MRPL1: variants seen among roughly 807,000 people sequenced by gnomAD.
MRPL1 encodes mitochondrial ribosomal protein L1, also known as large ribosomal subunit protein uL1m.
MRPL1 carries 28 observed loss-of-function variants against 38.0 expected under a neutral mutation model. The observed-to-expected ratio is 0.74, with a 90% CI of 0.55 to 1.01. The LOEUF (loss-of-function observed/expected upper bound fraction) is 1.01, where lower values mean the gene tolerates loss of function less well. Ranked by LOEUF, MRPL1 falls within the 50% of genes least tolerant of loss-of-function variation. The pLI, the probability that MRPL1 is intolerant of heterozygous loss-of-function variation, is 0.00. For synonymous variants in MRPL1, 123 were observed against 126.7 expected (o/e 0.97, Z 0.20); for missense variants, 358 against 389.8 (o/e 0.92, Z 0.69).
intron 7 of MRPL1, among the ~76,000 whole-genome samples, chr4:77,912,833 C>T (rs907096025): frequency 1.3e-5 from 2 of 151,972 alleles, no homozygotes; most frequent in African/African-American, 2.4e-5. Context: ...GTGGTATTGA[C>T]ATCAAAAGAA....
At chr4:77,896,732 C>T (rs1001395641) in intron 6 of MRPL1, among the ~76,000 whole-genome samples, 7 of 152,126 alleles carry the variant, frequency 4.6e-5, no homozygotes, top group Non-Finnish European at 1.0e-4. Flanking sequence ...TGGGAGTGGG[C>T]GTGTGTACAT....
intron 7 of MRPL1, among the ~76,000 whole-genome samples, chr4:77,917,014 T>C (rs1302516847): frequency 2.6e-5 from 4 of 152,220 alleles, no homozygotes; most frequent in Admixed American, 6.5e-5. Flanking sequence ...AAAGTTGATA[T>C]AGGTGTGAGT....
intron 5 of MRPL1, among the ~76,000 whole-genome samples, chr4:77,887,978 C>T (rs1278717646): frequency 2.6e-5 from 4 of 152,028 alleles, no homozygotes; most frequent in Non-Finnish European, 4.4e-5. Context: ...TCCACAAGGT[C>T]GCATGGATTT....
chr4:77,864,659 G>A (rs1185509450), intron 1 of MRPL1: 3 of 151,952 alleles, frequency 2.0e-5, no homozygotes, highest in Admixed American at 6.6e-5. Context: ...TGTAGGAGTC[G>A]ACACATGCCT....
intron 2 of MRPL1, among the ~76,000 whole-genome samples, chr4:77,876,145 G>A (rs192840981): frequency 2.6e-5 from 4 of 152,058 alleles, no homozygotes; most frequent in Non-Finnish European, 5.9e-5. Flanking sequence ...GCTAATTTTT[G>A]TAGTTTTGGC....
intron 2 of MRPL1, among the ~76,000 whole-genome samples, chr4:77,882,096 A>G (rs1735553966): frequency 6.6e-6 from 1 of 152,180 alleles, no homozygotes; most frequent in African/African-American, 2.4e-5. Context: ...CTATATTTGC[A>G]CTACAGTGGC....
intron 7 of MRPL1, among the ~76,000 whole-genome samples, chr4:77,945,622 T>A (rs1376714271): frequency 6.6e-6 from 1 of 152,090 alleles, no homozygotes; most frequent in African/African-American, 2.4e-5. Flanking sequence ...CTATTTTCCA[T>A]AAGTGTCGGC....
At chr4:77,912,951 A>T (rs1020138718) in intron 7 of MRPL1, among the ~76,000 whole-genome samples, 2 of 152,180 alleles carry the variant, frequency 1.3e-5, no homozygotes, top group Admixed American at 1.3e-4. Context: ...GAGAAAGGAT[A>T]GTTCTTTCAA....
chr4:77,937,409 C>A (rs1006062219), intron 7 of MRPL1, among the ~76,000 whole-genome samples: 7 of 152,208 alleles, frequency 4.6e-5, no homozygotes, highest in Non-Finnish European at 4.4e-5. Flanking sequence ...ATACTCAGTT[C>A]TAAGTACCTG....
intron 7 of MRPL1, among the ~76,000 whole-genome samples, chr4:77,944,577 A>G (rs1737210684): frequency 6.6e-6 from 1 of 152,148 alleles, no homozygotes; most frequent in Admixed American, 6.5e-5. Context: ...CGAGGTTTGT[A>G]TCTTATTCGT....
At chr4:77,883,665 C>T (rs533500959) in intron 3 of MRPL1, among the ~76,000 whole-genome samples, 165 bp downstream of exon 3, 83 of 152,200 alleles carry the variant, frequency 5.5e-4, no homozygotes, top group African/African-American at 1.9e-3. Flanking sequence ...GCAGACTCCA[C>T]CTCCCGGGCT....
intron 7 of MRPL1, among the ~76,000 whole-genome samples, chr4:77,928,267 G>A (rs964995814): frequency 6.6e-6 from 1 of 152,166 alleles, no homozygotes; most frequent in African/African-American, 2.4e-5. Flanking sequence ...CAGGAAAAGT[G>A]AATGTTCTGG....
intron 7 of MRPL1, among the ~76,000 whole-genome samples, chr4:77,933,103 C>T (rs756348834): frequency 2.6e-5 from 4 of 152,092 alleles, no homozygotes; most frequent in African/African-American, 7.2e-5. Flanking sequence ...GCGCTCCACA[C>T]GTGGCTAATT....
intron 7 of MRPL1, among the ~76,000 whole-genome samples, chr4:77,913,209 GAC>G (rs1451728338): frequency 6.6e-6 from 1 of 151,906 alleles, no homozygotes; most frequent in African/African-American, 2.4e-5. Context: ...CTCTTTAAAA[GAC>G]ACTGTTAAGA....
chr4:77,894,619 A>G (rs925263517), intron 6 of MRPL1, among the ~76,000 whole-genome samples: 7 of 152,132 alleles, frequency 4.6e-5, no homozygotes, highest in Non-Finnish European at 8.8e-5. Context: ...CAACATATGT[A>G]TGAATGTTGA....
At chr4:77,941,267 GA>G (rs76939382) in intron 7 of MRPL1, among the ~76,000 whole-genome samples, 11,270 of 127,940 alleles carry the variant, frequency 0.088, 708 homozygotes, top group African/African-American at 0.2. Flanking sequence ...CTCTGCCTCA[GA>G]AAAAAAAAAA....
intron 7 of MRPL1, among the ~76,000 whole-genome samples, chr4:77,934,940 T>C (rs965531910): frequency 6.6e-6 from 1 of 152,176 alleles, no homozygotes; most frequent in African/African-American, 2.4e-5. Context: ...GGACAAATAT[T>C]GTATCATTCC....
At chr4:77,947,863 G>A (rs1005572517) in intron 7 of MRPL1, among the ~76,000 whole-genome samples, 1 of 152,010 alleles carries the variant, frequency 6.6e-6, no homozygotes. Context: ...TCAGTAGAGG[G>A]CACAGTACTA....
intron 6 of MRPL1, among the ~76,000 whole-genome samples, chr4:77,896,350 T>C (rs1735912268): frequency 1.3e-5 from 2 of 152,206 alleles, no homozygotes; most frequent in Non-Finnish European, 2.9e-5. Flanking sequence ...TACCTAAGTA[T>C]GTTTTTCCCC....
Sources: gnomAD v4.1 joint callset for allele counts (sites outside exome capture counted in the v4.1 genomes callset) on GRCh38, gnomAD v4.1.1 for gene constraint, MANE v1.5 for transcripts, NCBI Gene and HGNC (gene_info 2026-07-23, HGNC 2026-07-21) for gene names.